The following FHIT variants were observed in gnomAD, a reference collection of about 807,000 sequenced individuals.
FHIT encodes the protein fragile histidine triad diadenosine triphosphatase.
In FHIT, 19 loss-of-function variants were observed where a neutral mutation model predicts 17.9. The ratio of observed to expected loss-of-function variants is 1.06; its 90% CI spans 0.74 to 1.56. The LOEUF (loss-of-function observed/expected upper bound fraction) is 1.56. Among genes scored for constraint, FHIT ranks in the 40% most tolerant of loss-of-function variants. The pLI, the probability that FHIT is intolerant of heterozygous loss-of-function variation, is 0.00. For synonymous variants in FHIT, 81 were observed against 69.7 expected (o/e 1.16, Z -0.81); for missense variants, 248 against 189.2 (o/e 1.31, Z -1.82).
chr3:60,753,052 C>G (rs577198334), intron 4 of FHIT, among the ~76,000 whole-genome samples: 5 of 152,188 alleles, frequency 3.3e-5, no homozygotes, highest in Admixed American at 2.0e-4. Context: ...GTTGTTGGCT[C>G]CAGGGTTCCT....
At chr3:60,464,354 T>C (rs142659402) in intron 5 of FHIT, among the ~76,000 whole-genome samples, 337 of 152,296 alleles carry the variant, frequency 2.2e-3, no homozygotes, top group African/African-American at 7.8e-3. Context: ...CATTTATCCT[T>C]TGTGTTACAA....
chr3:61,061,456 T>C (rs1163056842), intron 2 of FHIT, among the ~76,000 whole-genome samples: 2 of 151,920 alleles, frequency 1.3e-5, no homozygotes, highest in Non-Finnish European at 2.9e-5. Context: ...TTGCTAACCC[T>C]AGACTCTGGA....
At chr3:59,864,822 AAG>A (rs58009000) in intron 8 of FHIT, among the ~76,000 whole-genome samples, 4 of 146,860 alleles carry the variant, frequency 2.7e-5, no homozygotes, top group South Asian at 2.2e-4. Flanking sequence ...AATTATATGA[AAG>A]AGAGAGAGAA....
chr3:59,986,534 T>A lies in FHIT; in HGVS notation c.279+24837A>T, dbSNP rs1361187165. 0.012 allele frequency among the ~76,000 whole-genome samples: 132 copies of A among 11,216 alleles called. No individual in the cohort carries two copies. In the East Asian group the frequency reaches 0.16, roughly 13 times the overall value. The allele number at this position is 11,216 out of a possible 152,430, so 7.4% of individuals were successfully genotyped here. On this transcript the variant is annotated intron_variant, in intron 7 of 9. Coordinates refer to ENST00000492590, the MANE Select transcript of FHIT (RefSeq NM_002012.4). ...ATATATATATATATATATATATATA[T>A]ATATATACACACACACACACACACA... is the stretch of plus-strand genomic sequence containing the variant.
intron 5 of FHIT, among the ~76,000 whole-genome samples, chr3:60,194,019 C>T (rs1371070202): frequency 6.6e-6 from 1 of 152,054 alleles, no homozygotes; most frequent in Non-Finnish European, 1.5e-5. Flanking sequence ...TCTGATTATC[C>T]AAAGCAATCT....
chr3:59,984,473 TA>T (rs200883443), intron 7 of FHIT, among the ~76,000 whole-genome samples: 2,235 of 152,214 alleles, frequency 0.015, 27 homozygotes, highest in Non-Finnish European at 0.021. Flanking sequence ...CTGGGGAATT[TA>T]TCCTCAAATT....
intron 2 of FHIT, among the ~76,000 whole-genome samples, chr3:61,143,681 T>A (rs2037149216): frequency 6.6e-6 from 1 of 152,044 alleles, no homozygotes; most frequent in South Asian, 2.1e-4. Flanking sequence ...GCCTCACCAA[T>A]AAGGTGAAAC....
intron 5 of FHIT, among the ~76,000 whole-genome samples, chr3:60,399,287 AT>A (rs1364010201): frequency 2.0e-5 from 3 of 152,172 alleles, no homozygotes. Context: ...TCTAAAAGAA[AT>A]ATCCCATTTT....
chr3:60,565,190 G>T (rs1422479483), intron 4 of FHIT, among the ~76,000 whole-genome samples: 2 of 152,164 alleles, frequency 1.3e-5, no homozygotes, highest in Non-Finnish European at 2.9e-5. Context: ...ACAGCTAAGT[G>T]TAAATATAGC....
chr3:60,679,079 C>A (rs1476262773), intron 4 of FHIT, among the ~76,000 whole-genome samples: 2 of 152,032 alleles, frequency 1.3e-5, no homozygotes, highest in East Asian at 3.9e-4. Flanking sequence ...GGGCTAGGGA[C>A]TGTGCTAGGC....
intron 8 of FHIT, among the ~76,000 whole-genome samples, chr3:59,889,921 T>G (rs1358930144): frequency 6.6e-6 from 1 of 152,230 alleles, no homozygotes; most frequent in East Asian, 1.9e-4. Context: ...ATGAATTTTC[T>G]TCAGAGGACT....
rs1229655023 is a variant in FHIT, at chr3:61,021,531, G to A, written c.-111+20516C>T. Among the ~76,000 whole-genome samples, 435 of 145,338 alleles carry A rather than the reference G, an allele frequency of 3.0e-3. 9 individuals carry two copies. The highest frequency in any genetic ancestry group is 0.024 in the Middle Eastern group (7 of 286). Reference sequence around the variant, plus strand: ...GGAGAATGGCGTGAACCCGGGAGGCGGAGCTTGCAGTGAGCCGAGATCCCG... The same window carrying A: ...GGAGAATGGCGTGAACCCGGGAGGCAGAGCTTGCAGTGAGCCGAGATCCCG... On this transcript the variant is annotated intron_variant, in intron 3 of 9. Coordinates refer to ENST00000492590, the MANE Select transcript of FHIT (RefSeq NM_002012.4).
intron 8 of FHIT, among the ~76,000 whole-genome samples, chr3:59,855,803 C>CTTATTT (rs1702130679): frequency 6.7e-6 from 1 of 148,978 alleles, no homozygotes; most frequent in Non-Finnish European, 1.5e-5. Context: ...TTTTTTGAGA[C>CTTATTT]GGAGTCTTGC....
At chr3:61,148,664 T>G (rs73093395) in intron 2 of FHIT, among the ~76,000 whole-genome samples, 4,408 of 152,310 alleles carry the variant, frequency 0.029, 83 homozygotes, top group Non-Finnish European at 0.038. Flanking sequence ...TCCATGAACA[T>G]TCTTGTATAT....
chr3:60,344,493 C>A (rs897585559), intron 5 of FHIT, among the ~76,000 whole-genome samples: 1 of 152,120 alleles, frequency 6.6e-6, no homozygotes, highest in African/African-American at 2.4e-5. Flanking sequence ...CTACAGAGAA[C>A]ACATTCCATG....
At chr3:60,545,100 AT>A (rs750361795) in intron 4 of FHIT, among the ~76,000 whole-genome samples, 338 of 3,114 alleles carry the variant, frequency 0.11, 1 homozygote, top group African/African-American at 0.2. Context: ...TTTACTAAAG[AT>A]TTTTTTTTTC....
In FHIT at chr3:61,163,497, C is replaced by G. The variant is rs118153803; in HGVS notation, c.-164+37120G>C. ...TATGGCATGTCGGCATTTGACAAAA[C>G]AGTGGAAGCAGGAAAGTCTCTCTGA... On this transcript the variant is annotated intron_variant, in intron 2 of 9. Transcript: ENST00000492590. Among the ~76,000 whole-genome samples the G allele has an allele frequency of 4.6e-5, 7 of 152,270 alleles. No individual in the cohort carries two copies. In the East Asian group the frequency reaches 7.7e-4, roughly 17 times the overall value.
intron 5 of FHIT, among the ~76,000 whole-genome samples, chr3:60,347,676 G>C (rs1342419579): frequency 5.7e-5 from 1 of 17,586 alleles, no homozygotes; most frequent in Non-Finnish European, 1.0e-4. Flanking sequence ...CCACTGGTTT[G>C]GGGGGGGGGG....
At chr3:60,829,168 C>T (rs1165172769) in intron 3 of FHIT, among the ~76,000 whole-genome samples, 1 of 152,178 alleles carries the variant, frequency 6.6e-6, no homozygotes, top group African/African-American at 2.4e-5. Flanking sequence ...ACTCTAGAAA[C>T]ACCATAGTAA....
Sources: gnomAD v4.1 joint callset for allele counts (sites outside exome capture counted in the v4.1 genomes callset) on GRCh38, gnomAD v4.1.1 for gene constraint, MANE v1.5 for transcripts, NCBI Gene and HGNC (gene_info 2026-07-23, HGNC 2026-07-21) for gene names.